SLC16A2: variants seen among roughly 807,000 people sequenced by gnomAD.
SLC16A2 encodes monocarboxylate transporter 8.
Under a neutral mutation model 27.2 loss-of-function variants are expected in SLC16A2, and 3 were observed. The observed-to-expected ratio is 0.11, with a 90% CI of 0.05 to 0.28. SLC16A2 has a LOEUF of 0.28. Among genes scored for constraint, SLC16A2 ranks in the 10% least tolerant of loss-of-function variants. The probability of loss-of-function intolerance (pLI) is 1.00; values close to 1 mark genes in which losing one functional copy is unlikely to be tolerated. For missense variants in SLC16A2, 295 were observed against 458.5 expected (o/e 0.64, Z 3.26); for synonymous variants, 202 against 187.8 (o/e 1.08, Z -0.62).
intron 1 of SLC16A2, among the ~76,000 whole-genome samples, chrX:74,474,527 G>A (rs1442091470): frequency 2.8e-5 from 3 of 107,301 alleles, no homozygotes; most frequent in East Asian, 5.8e-4. Flanking sequence ...TGTGCACAAC[G>A]TGCAGGTTTG....
intron 1 of SLC16A2, among the ~76,000 whole-genome samples, chrX:74,429,382 G>C (rs1928489897): frequency 9.1e-6 from 1 of 109,496 alleles, no homozygotes; most frequent in African/African-American, 3.3e-5. Flanking sequence ...TGAGATACTA[G>C]GATCTCTTGA....
chrX:74,427,691 G>T (rs1193981479), intron 1 of SLC16A2, among the ~76,000 whole-genome samples: 7 of 111,495 alleles, frequency 6.3e-5, no homozygotes, highest in Admixed American at 9.5e-5. Flanking sequence ...GACGGAGTGG[G>T]ATTTCCTGTC....
chrX:74,512,085 C>T (rs1930243346), intron 1 of SLC16A2, among the ~76,000 whole-genome samples: 1 of 112,031 alleles, frequency 8.9e-6, no homozygotes, highest in South Asian at 3.7e-4. Flanking sequence ...AATGCGTGCC[C>T]ACCACCTGGC....
intron 1 of SLC16A2, among the ~76,000 whole-genome samples, chrX:74,430,864 C>T (rs1405452579): frequency 8.9e-6 from 1 of 112,252 alleles, no homozygotes; most frequent in East Asian, 2.8e-4. Context: ...ACCTCGGTCT[C>T]CCAAGTTGCT....
chrX:74,471,529 G>T (rs1387577236), intron 1 of SLC16A2, among the ~76,000 whole-genome samples: 1 of 111,339 alleles, frequency 9.0e-6, no homozygotes, highest in Non-Finnish European at 1.9e-5. Flanking sequence ...ATATATTCTG[G>T]ATACTCAACC....
At chrX:74,466,399 A>G (rs1929251208) in intron 1 of SLC16A2, among the ~76,000 whole-genome samples, 1 of 111,144 alleles carries the variant, frequency 9.0e-6, no homozygotes, top group Non-Finnish European at 1.9e-5. Context: ...CCCCTTGCAG[A>G]CACCAAAATC....
chrX:74,510,842 A>C (rs1930216807), intron 1 of SLC16A2, among the ~76,000 whole-genome samples: 1 of 108,893 alleles, frequency 9.2e-6, no homozygotes, highest in African/African-American at 3.4e-5. Flanking sequence ...GCTTGACACC[A>C]GGAGTTTGAG....
intron 1 of SLC16A2, among the ~76,000 whole-genome samples, chrX:74,517,824 C>T (rs1399484401): frequency 8.9e-6 from 1 of 111,872 alleles, no homozygotes; most frequent in Non-Finnish European, 1.9e-5. Context: ...CCTCCTGCCA[C>T]CTACTGATTT....
chrX:74,532,693 T>A lies in SLC16A2; in HGVS notation c.*1140T>A. The A allele has an allele frequency of 8.9e-6, 1 of 111,748 alleles. No individual in the cohort carries two copies. Among genetic ancestry groups the A allele is most frequent in the Non-Finnish European group, 1.9e-5 (1 of 53,073 alleles). The allele number at this position is 111,748 out of a possible 1,213,427, so 9.2% of individuals were successfully genotyped here. On this transcript the variant is annotated 3_prime_UTR_variant, in exon 6 of 6. Coordinates refer to ENST00000587091, the MANE Select transcript of SLC16A2 (RefSeq NM_006517.5). ...AAAAAAAATCAATTCCTAGCCTGGA[T>A]CCCAAAAAGGTACAGGCAGCAGTTG...
intron 1 of SLC16A2, among the ~76,000 whole-genome samples, chrX:74,481,880 A>T (rs1929627681): frequency 2.7e-5 from 3 of 109,302 alleles, no homozygotes; most frequent in African/African-American, 1.0e-4. Context: ...TGTACAATTC[A>T]GTGTTTTAAA....
intron 1 of SLC16A2, among the ~76,000 whole-genome samples, chrX:74,455,863 C>T (rs544577080): frequency 9.0e-5 from 10 of 111,578 alleles, no homozygotes; most frequent in African/African-American, 2.6e-4. Context: ...TTGGCTACTG[C>T]TCTGGGCCCT....
chrX:74,501,000 A>G (rs1253199307), intron 1 of SLC16A2, among the ~76,000 whole-genome samples: 1 of 107,904 alleles, frequency 9.3e-6, no homozygotes, highest in South Asian at 4.4e-4. Flanking sequence ...TTTTCTTCAT[A>G]TATTAGGCTG....
intron 1 of SLC16A2, among the ~76,000 whole-genome samples, chrX:74,501,957 A>G (rs753194764): frequency 6.3e-5 from 7 of 111,696 alleles, no homozygotes; most frequent in African/African-American, 2.0e-4. Context: ...TACTTAAAGT[A>G]TAATAATAAT....
Position 74,521,131 on chromosome X carries a change from C to T in SLC16A2, c.572C>T (p.Thr191Ile). 8.3e-7 allele frequency: 1 copy of T among 1,211,737 alleles called. No individual in the cohort carries two copies. Among genetic ancestry groups the T allele is most frequent in the Non-Finnish European group, 1.1e-6 (1 of 895,402 alleles). Residue 191 changes from threonine (T) to isoleucine (I), a missense_variant, in exon 2 of 6, where the codon ACC becomes ATC. This residue lies in a region of SLC16A2 where 59 missense variants were observed against 153.6 expected (regional missense o/e 0.38). Coordinates refer to ENST00000587091, the MANE Select transcript of SLC16A2 (RefSeq NM_006517.5). Reference protein sequence around the residue: ...AFIGLHTSSFTSSLSLRYFTY... With the variant: ...AFIGLHTSSFISSLSLRYFTY... ...ATTGGCCTCCATACCAGCTCCTTCA[C>T]CAGGTAAGGCTAAGAGTTGGTGGTT...
chrX:74,500,786 T>C (rs1930017074), intron 1 of SLC16A2, among the ~76,000 whole-genome samples: 1 of 111,287 alleles, frequency 9.0e-6, no homozygotes, highest in Non-Finnish European at 1.9e-5. Context: ...AGAACAAAGG[T>C]CATTTGCACA....
At chrX:74,482,267 C>T (rs746126240) in intron 1 of SLC16A2, among the ~76,000 whole-genome samples, 17 of 111,849 alleles carry the variant, frequency 1.5e-4, no homozygotes, top group Non-Finnish European at 2.6e-4. Context: ...TGTGGTGTGT[C>T]TGAAGTGTCT....
At chrX:74,459,745 T>G (rs1044201673) in intron 1 of SLC16A2, among the ~76,000 whole-genome samples, 2 of 111,618 alleles carry the variant, frequency 1.8e-5, no homozygotes, top group Admixed American at 1.9e-4. Flanking sequence ...CTCCAACTCC[T>G]ACCTCACCTC....
chrX:74,448,601 G>C, intron 1 of SLC16A2, among the ~76,000 whole-genome samples: 1 of 111,075 alleles, frequency 9.0e-6, no homozygotes, highest in African/African-American at 3.3e-5. Context: ...TTACTAGGCA[G>C]GTATACATTC....
At chrX:74,493,119 A>G (rs1003223517) in intron 1 of SLC16A2, among the ~76,000 whole-genome samples, 3 of 111,919 alleles carry the variant, frequency 2.7e-5, no homozygotes, top group Non-Finnish European at 3.8e-5. Context: ...ACCAGGAGGC[A>G]GTCATGTTCA....
Sources: gnomAD v4.1 joint callset for allele counts (sites outside exome capture counted in the v4.1 genomes callset) on GRCh38, gnomAD v4.1.1 for gene constraint, gnomAD v4.1.1 regional missense constraint, MANE v1.5 for transcripts, NCBI Gene and HGNC (gene_info 2026-07-23, HGNC 2026-07-21) for gene names.